The following FKBP3 variants were observed in gnomAD, a reference collection of about 807,000 sequenced individuals.
FKBP3 encodes peptidyl-prolyl cis-trans isomerase FKBP3.
In FKBP3, 21 loss-of-function variants were observed where a neutral mutation model predicts 30.6. The observed-to-expected ratio is 0.69, with a 90% confidence interval of 0.49 to 0.99. The LOEUF (loss-of-function observed/expected upper bound fraction) is 0.99. FKBP3 is among the 50% of genes least tolerant of loss of function. FKBP3 has a pLI of 0.00. For missense variants in FKBP3, 283 were observed against 261.6 expected (o/e 1.08, Z -0.56); for synonymous variants, 82 against 91.3 (o/e 0.90, Z 0.58).
intron 3 of FKBP3, among the ~76,000 whole-genome samples, chr14:45,128,184 A>C (rs1459995184): frequency 6.6e-6 from 1 of 152,164 alleles, no homozygotes; most frequent in Non-Finnish European, 1.5e-5. Flanking sequence ...TAAAAATACA[A>C]AAATCAGCTG....
rs186276029 is a variant in FKBP3, at chr14:45,126,147, T to C, written c.318+3647A>G. 1.6e-3 allele frequency among the ~76,000 whole-genome samples: 242 copies of C among 150,818 alleles called. 5 individuals are homozygous for C. The East Asian group carries it at 0.027, about 17-fold the overall frequency. On this transcript the variant is annotated intron_variant, in intron 3 of 6. Coordinates refer to ENST00000396062, the MANE Select transcript of FKBP3 (RefSeq NM_002013.4). ...CTCAAGTGATCCACCTTCCTTGGCC[T>C]CCCAAAGTGCTGGGATAATAGGCGT...
chr14:45,128,718 TAG>T (rs902329721), intron 3 of FKBP3, among the ~76,000 whole-genome samples: 2 of 152,222 alleles, frequency 1.3e-5, no homozygotes, highest in African/African-American at 4.8e-5. Flanking sequence ...AATAAAATGA[TAG>T]AGTTTAGGAC....
At chr14:45,133,130 T>C (rs1477436102) in intron 1 of FKBP3, among the ~76,000 whole-genome samples, 1 of 152,126 alleles carries the variant, frequency 6.6e-6, no homozygotes, top group Non-Finnish European at 1.5e-5. Context: ...AGTTCTTCTA[T>C]CTCCCTGTCA....
chr14:45,124,461 G>A (rs1885054319), intron 3 of FKBP3, among the ~76,000 whole-genome samples: 1 of 152,064 alleles, frequency 6.6e-6, no homozygotes, highest in Non-Finnish European at 1.5e-5. Flanking sequence ...GAATCCAGGA[G>A]GCAGAGGTTG....
intron 5 of FKBP3, among the ~76,000 whole-genome samples, chr14:45,118,509 T>C (rs1029092095): frequency 2.0e-5 from 3 of 151,978 alleles, no homozygotes; most frequent in African/African-American, 7.3e-5. Context: ...TGGGTGCCTG[T>C]AATCCCAGCT....
chr14:45,118,131 G>T lies in FKBP3; in HGVS notation c.523-6C>A. 6.4e-7 allele frequency: 1 copy of T among 1,569,804 alleles called. No individual in the cohort carries two copies. The highest frequency in any genetic ancestry group is 8.6e-7 in the Non-Finnish European group (1 of 1,160,388). On this transcript the variant is annotated splice_region_variant and splice_polypyrimidine_tract_variant and intron_variant, in intron 5 of 6. Transcript: ENST00000396062. ...GTCAAGAGAGCTTCATCCCACTAAAGGCAAGAACAAAATAAAAACTAATGG... is the reference window on the plus strand; with the variant it reads ...GTCAAGAGAGCTTCATCCCACTAAATGCAAGAACAAAATAAAAACTAATGG...
At chr14:45,132,006 T>C (rs1014706174) in intron 1 of FKBP3, among the ~76,000 whole-genome samples, 2 of 152,216 alleles carry the variant, frequency 1.3e-5, no homozygotes, top group Admixed American at 6.5e-5. Flanking sequence ...CCATAACTTC[T>C]TTGTTTCCTT....
chr14:45,134,201 C>A (rs900908855), intron 1 of FKBP3, 148 bp downstream of exon 1: 11 of 655,776 alleles, frequency 1.7e-5, no homozygotes, highest in East Asian at 8.5e-5. Flanking sequence ...GGCACCAAAG[C>A]ACAAGCTGGG....
At chr14:45,132,250 A>G (rs1885233574) in intron 1 of FKBP3, among the ~76,000 whole-genome samples, 1 of 152,216 alleles carries the variant, frequency 6.6e-6, no homozygotes, top group Non-Finnish European at 1.5e-5. Context: ...AACGGAAGTA[A>G]TCAGTTACCT....
At chr14:45,129,250 C>G (rs1200912027) in intron 3 of FKBP3, among the ~76,000 whole-genome samples, 1 of 152,192 alleles carries the variant, frequency 6.6e-6, no homozygotes, top group Non-Finnish European at 1.5e-5. Context: ...TTCAGCTCTG[C>G]TAAGTCAGTT....
At chr14:45,129,402 G>A (rs1885167709) in intron 3 of FKBP3, among the ~76,000 whole-genome samples, 1 of 152,162 alleles carries the variant, frequency 6.6e-6, no homozygotes, top group South Asian at 2.1e-4. Context: ...GCCAAGCCTG[G>A]ATTATTTCTA....
At chr14:45,129,359 G>A (rs1425412707) in intron 3 of FKBP3, among the ~76,000 whole-genome samples, 1 of 152,140 alleles carries the variant, frequency 6.6e-6, no homozygotes, top group Non-Finnish European at 1.5e-5. Context: ...ACCTGAGTTG[G>A]GAAAACTGAG....
intron 3 of FKBP3, among the ~76,000 whole-genome samples, chr14:45,126,825 CTTTTTTTT>C (rs1885109063): frequency 6.6e-6 from 1 of 151,390 alleles, no homozygotes; most frequent in African/African-American, 2.4e-5. Context: ...CTCTTTTTTT[CTTTTTTTT>C]GAGACTGAGT....
At chr14:45,120,277 C>T (rs1884955619) in intron 5 of FKBP3, among the ~76,000 whole-genome samples, 1 of 152,152 alleles carries the variant, frequency 6.6e-6, no homozygotes, top group African/African-American at 2.4e-5. Flanking sequence ...TTCTTTTGTA[C>T]AGTATAATGG....
intron 5 of FKBP3, among the ~76,000 whole-genome samples, chr14:45,119,194 A>G (rs1457062531): frequency 2.6e-5 from 4 of 152,338 alleles, no homozygotes; most frequent in Middle Eastern, 3.4e-3. Flanking sequence ...TAATATTCCT[A>G]ATATTATATG....
intron 1 of FKBP3, among the ~76,000 whole-genome samples, chr14:45,131,818 AACTT>A (rs1885222851): frequency 6.6e-6 from 1 of 152,166 alleles, no homozygotes; most frequent in African/African-American, 2.4e-5. Flanking sequence ...ACACAGTAAG[AACTT>A]AATAAATATT....
intron 3 of FKBP3, among the ~76,000 whole-genome samples, chr14:45,124,766 ACTGT>A (rs1289685819): frequency 6.6e-6 from 1 of 152,112 alleles, no homozygotes; most frequent in African/African-American, 2.4e-5. Context: ...TAAAAATATT[ACTGT>A]CTGTAAGGGA....
intron 5 of FKBP3, among the ~76,000 whole-genome samples, chr14:45,118,595 C>T (rs1360322744): frequency 6.6e-6 from 1 of 152,070 alleles, no homozygotes; most frequent in Non-Finnish European, 1.5e-5. Context: ...TGAGCCACTG[C>T]ACTCCAGTCT....
intron 1 of FKBP3, among the ~76,000 whole-genome samples, chr14:45,133,960 C>G (rs1566710536): frequency 1.3e-5 from 2 of 152,202 alleles, no homozygotes; most frequent in Non-Finnish European, 2.9e-5. Context: ...ATCTTCACAT[C>G]CCTTCCCATT....
Sources: allele counts gnomAD v4.1 joint callset (sites outside exome capture counted in the v4.1 genomes callset), GRCh38; gene constraint gnomAD v4.1.1; transcripts MANE v1.5; gene names NCBI Gene and HGNC (gene_info 2026-07-23, HGNC 2026-07-21).